The following TENM1 variants were observed in gnomAD, a reference collection of about 807,000 sequenced individuals.
The protein encoded by TENM1 is teneurin-1.
TENM1 carries 35 observed loss-of-function variants against 174.8 expected under a neutral mutation model. The observed-to-expected ratio is 0.20, with a 90% CI of 0.15 to 0.27. The LOEUF (loss-of-function observed/expected upper bound fraction) is 0.27. TENM1 is among the 10% of genes least tolerant of loss of function. The pLI, the probability that TENM1 is intolerant of heterozygous loss-of-function variation, is 1.00. For synonymous variants in TENM1, 781 were observed against 798.7 expected (o/e 0.98, Z 0.37); for missense variants, 1,633 against 2,130.1 (o/e 0.77, Z 4.59).
At chrX:124,772,018 GT>G (rs1242300389) in intron 3 of TENM1, among the ~76,000 whole-genome samples, 1 of 111,791 alleles carries the variant, frequency 8.9e-6, no homozygotes, top group East Asian at 2.8e-4. Flanking sequence ...TCCTATAGAA[GT>G]TTCTAGACTC....
At chrX:124,418,210 T>C (rs1303662006) in intron 25 of TENM1, among the ~76,000 whole-genome samples, 1 of 112,373 alleles carries the variant, frequency 8.9e-6, no homozygotes, top group Non-Finnish European at 1.9e-5. Context: ...TCTGGTTACT[T>C]AATTGATTTC....
At chrX:125,160,278 CT>C in the TENM1 span, among the ~76,000 whole-genome samples, 1 of 104,850 alleles carries the variant, frequency 9.5e-6, no homozygotes, top group African/African-American at 3.5e-5. Context: ...AATCCCAGTA[CT>C]TTGGGAGGCT....
At chrX:124,633,662 G>T (rs2148353748) in intron 11 of TENM1, among the ~76,000 whole-genome samples, 1 of 110,646 alleles carries the variant, frequency 9.0e-6, no homozygotes, top group East Asian at 2.8e-4. Flanking sequence ...TAAAGATAAA[G>T]AATTTTTGGA....
rs113751818 is a variant in TENM1, at chrX:124,647,730, G to GGTGTGTGTGT, written c.1580-930_1580-921dup. ...TATTCTCGCAGGGATTTTTTTTTGT[G>GGTGTGTGTGT]GTGTGTGTGTGTGTGTGTGTGTGTT... On this transcript the variant is annotated intron_variant, in intron 8 of 31. Coordinates refer to ENST00000422452, the Ensembl canonical transcript of TENM1. 8.1e-3 allele frequency among the ~76,000 whole-genome samples: 841 copies of GGTGTGTGTGT among 103,851 alleles called. 10 individuals are homozygous for GGTGTGTGTGT. Among genetic ancestry groups the GGTGTGTGTGT allele is most frequent in the African/African-American group, 0.029 (817 of 28,417 alleles). The allele number at this position is 103,851 out of a possible 115,157, so 90.2% of individuals were successfully genotyped here. A position where few individuals can be genotyped will look rare whatever the true frequency, so the allele number is the denominator to read the frequency against.
chrX:125,017,947 C>CG, the TENM1 span, among the ~76,000 whole-genome samples: 2 of 111,260 alleles, frequency 1.8e-5, no homozygotes, highest in Non-Finnish European at 3.8e-5. Flanking sequence ...CAGCAAACCA[C>CG]TGTGGCACGT....
intron 3 of TENM1, among the ~76,000 whole-genome samples, chrX:124,833,462 C>T (rs189257644): frequency 8.0e-4 from 89 of 111,696 alleles, no homozygotes; most frequent in African/African-American, 2.8e-3. Flanking sequence ...TTATATTTCT[C>T]ATATTTTATT....
At chrX:124,953,747 G>C (rs1166622495) in intron 1 of TENM1, among the ~76,000 whole-genome samples, 2 of 111,653 alleles carry the variant, frequency 1.8e-5, no homozygotes, top group Non-Finnish European at 3.8e-5. Flanking sequence ...TTTTCCTTCT[G>C]ATATTATGTA....
chrX:124,509,092 A>ACAC lies in TENM1; in HGVS notation c.3302-5390_3302-5389insGTG, dbSNP rs2047520093. Reference sequence around the variant, plus strand: ...AACAAATAACACACACACACACACAAACACACACACACACACACAAACACA... The same window carrying ACAC: ...AACAAATAACACACACACACACACAACACACACACACACACACACACAAACACA... On this transcript the variant is annotated intron_variant, in intron 18 of 31. Coordinates refer to ENST00000422452, the Ensembl canonical transcript of TENM1. 5.5e-5 allele frequency among the ~76,000 whole-genome samples: 5 copies of ACAC among 90,372 alleles called. No individual in the cohort carries two copies. In the South Asian group the frequency reaches 2.1e-3, roughly 37 times the overall value. 78.5% of individuals were successfully genotyped at this position (90,372 alleles called of 115,157 possible).
the TENM1 span, among the ~76,000 whole-genome samples, chrX:125,168,671 A>G: frequency 9.0e-6 from 1 of 110,987 alleles, no homozygotes; most frequent in Non-Finnish European, 1.9e-5. Context: ...AGAGATTTGA[A>G]GCAGCAGAGA....
intron 11 of TENM1, among the ~76,000 whole-genome samples, chrX:124,582,329 G>C (rs1243650839): frequency 9.0e-6 from 1 of 111,023 alleles, no homozygotes; most frequent in African/African-American, 3.3e-5. Context: ...TTTTTTCCTT[G>C]TTCAATTGAA....
At chrX:125,099,804 C>T in the TENM1 span, among the ~76,000 whole-genome samples, 1 of 112,256 alleles carries the variant, frequency 8.9e-6, no homozygotes, top group East Asian at 2.8e-4. Context: ...ACTCATCACA[C>T]TTCTGAGAAT....
At chrX:125,087,089 G>A in the TENM1 span, among the ~76,000 whole-genome samples, 1 of 110,724 alleles carries the variant, frequency 9.0e-6, no homozygotes, top group Non-Finnish European at 1.9e-5. Context: ...TGTAATACAT[G>A]AGCATCTCTA....
chrX:125,087,248 A>G, the TENM1 span, among the ~76,000 whole-genome samples: 4 of 111,192 alleles, frequency 3.6e-5, no homozygotes, highest in South Asian at 3.7e-4. Flanking sequence ...AATATAACCT[A>G]TAAAACTTTT....
intron 23 of TENM1, among the ~76,000 whole-genome samples, chrX:124,423,996 C>T (rs755114009): frequency 5.4e-5 from 6 of 112,091 alleles, no homozygotes; most frequent in Admixed American, 1.9e-4. Flanking sequence ...GGAATGCTTA[C>T]GCACAGAGGG....
At chrX:124,994,356 G>T in the TENM1 span, among the ~76,000 whole-genome samples, 2 of 107,234 alleles carry the variant, frequency 1.9e-5, no homozygotes, top group Admixed American at 2.0e-4. Flanking sequence ...AGTAGTTTCA[G>T]TCCACAAAAC....
chrX:124,685,561 GTT>G (rs201481902), intron 5 of TENM1, among the ~76,000 whole-genome samples: 12 of 94,469 alleles, frequency 1.3e-4, no homozygotes, highest in South Asian at 4.9e-4. Context: ...AAGCAAATCT[GTT>G]TTTTTTTTTT....
At chrX:124,532,749 C>G (rs2048134521) in intron 15 of TENM1, among the ~76,000 whole-genome samples, 1 of 111,847 alleles carries the variant, frequency 8.9e-6, no homozygotes, top group Non-Finnish European at 1.9e-5. Flanking sequence ...AACTTATATT[C>G]TACATTTATC....
intron 3 of TENM1, among the ~76,000 whole-genome samples, chrX:124,885,393 T>C (rs974328666): frequency 9.0e-6 from 1 of 111,193 alleles, no homozygotes; most frequent in Non-Finnish European, 1.9e-5. Flanking sequence ...TATCTTTGAT[T>C]ACAAAGATGT....
At chrX:124,935,028 T>G (rs1487882473) in intron 1 of TENM1, among the ~76,000 whole-genome samples, 1 of 109,528 alleles carries the variant, frequency 9.1e-6, no homozygotes, top group Non-Finnish European at 1.9e-5. Context: ...TTGTAACAGG[T>G]GGGCAATTTG....
Sources: allele counts gnomAD v4.1 joint callset (sites outside exome capture counted in the v4.1 genomes callset), GRCh38; gene constraint gnomAD v4.1.1; transcripts MANE v1.5; gene names NCBI Gene and HGNC (gene_info 2026-07-23, HGNC 2026-07-21).